Variants in KCTD16 observed in about 807,000 individuals in gnomAD.
KCTD16 encodes the protein BTB/POZ domain-containing protein KCTD16.
Under a neutral mutation model 33.2 loss-of-function variants are expected in KCTD16, and 13 were observed. The ratio of observed to expected loss-of-function variants is 0.39; its 90% confidence interval spans 0.25 to 0.62. The LOEUF is 0.62. Among genes scored for constraint, KCTD16 ranks in the 20% least tolerant of loss-of-function variants. The pLI, the probability that KCTD16 is intolerant of heterozygous loss-of-function variation, is 0.50. For synonymous variants in KCTD16, 197 were observed against 195.3 expected (o/e 1.01, Z -0.07); for missense variants, 441 against 525.1 (o/e 0.84, Z 1.57).
intron 3 of KCTD16, among the ~76,000 whole-genome samples, chr5:144,296,704 C>G (rs1237762004): frequency 6.6e-6 from 1 of 152,030 alleles, no homozygotes; most frequent in South Asian, 2.1e-4. Flanking sequence ...AAGAAAACTA[C>G]TAGATATGGA....
intron 3 of KCTD16, among the ~76,000 whole-genome samples, chr5:144,412,614 G>A (rs113706000): frequency 0.042 from 6,439 of 152,152 alleles, 460 homozygotes; most frequent in African/African-American, 0.14. Context: ...AGCTGGATGC[G>A]GTGGCTCATG....
chr5:144,397,686 G>T (rs1477383388), intron 3 of KCTD16, among the ~76,000 whole-genome samples: 3 of 152,126 alleles, frequency 2.0e-5, no homozygotes, highest in Non-Finnish European at 4.4e-5. Context: ...CAGTGATGAT[G>T]ATTTAAAGTT....
At chr5:144,179,277 C>T (rs1026086133) in intron 2 of KCTD16, among the ~76,000 whole-genome samples, 1 of 152,180 alleles carries the variant, frequency 6.6e-6, no homozygotes, top group African/African-American at 2.4e-5. Context: ...ATCAGCCACC[C>T]CACTCAGGCC....
chr5:144,402,239 C>T (rs1428649616), intron 3 of KCTD16, among the ~76,000 whole-genome samples: 1 of 152,194 alleles, frequency 6.6e-6, no homozygotes, highest in Non-Finnish European at 1.5e-5. Flanking sequence ...ATAGAAGGGG[C>T]TTTTCTGGGC....
At chr5:144,209,845 T>A (rs1000484988) in intron 3 of KCTD16, among the ~76,000 whole-genome samples, 2 of 146,672 alleles carry the variant, frequency 1.4e-5, no homozygotes, top group Non-Finnish European at 3.0e-5. Context: ...TATATTTATA[T>A]GTGTATATAT....
intron 3 of KCTD16, among the ~76,000 whole-genome samples, chr5:144,440,914 G>A (rs1293471572): frequency 4.7e-4 from 39 of 82,960 alleles, no homozygotes; most frequent in African/African-American, 8.0e-4. Context: ...AACAGTCCCC[G>A]GTGTGTGATG....
chr5:144,179,580 A>T (rs1040296801), intron 2 of KCTD16, among the ~76,000 whole-genome samples: 2 of 152,236 alleles, frequency 1.3e-5, no homozygotes, highest in Non-Finnish European at 2.9e-5. Context: ...GGGAACAGGG[A>T]TCCTTCCTTC....
intron 3 of KCTD16, among the ~76,000 whole-genome samples, chr5:144,421,407 G>T (rs1753205682): frequency 6.6e-6 from 1 of 152,086 alleles, no homozygotes; most frequent in African/African-American, 2.4e-5. Flanking sequence ...TTATCTACTT[G>T]CATGGGTTGA....
At chr5:144,209,682 G>A (rs1184482986) in intron 3 of KCTD16, among the ~76,000 whole-genome samples, 4 of 151,330 alleles carry the variant, frequency 2.6e-5, no homozygotes, top group East Asian at 1.9e-4. Context: ...TGTTGTGCTC[G>A]GGTTAATGGG....
intron 3 of KCTD16, among the ~76,000 whole-genome samples, chr5:144,235,995 G>A (rs191891081): frequency 5.7e-4 from 87 of 152,224 alleles, no homozygotes; most frequent in African/African-American, 1.9e-3. Context: ...GTCAGTGTAT[G>A]AAGTCTAGAA....
At chr5:144,429,524 A>G (rs116378990) in intron 3 of KCTD16, among the ~76,000 whole-genome samples, 1,922 of 152,182 alleles carry the variant, frequency 0.013, 38 homozygotes, top group African/African-American at 0.044. Context: ...ACTCTGGACC[A>G]GGTTGGATCA....
intron 2 of KCTD16, among the ~76,000 whole-genome samples, chr5:144,185,778 C>T (rs2126776606): frequency 6.6e-6 from 1 of 152,178 alleles, no homozygotes; most frequent in African/African-American, 2.4e-5. Flanking sequence ...CCTTTCTTGT[C>T]ATGAATGATT....
At chr5:144,401,688 C>A (rs1462484837) in intron 3 of KCTD16, among the ~76,000 whole-genome samples, 1 of 152,328 alleles carries the variant, frequency 6.6e-6, no homozygotes, top group East Asian at 1.9e-4. Flanking sequence ...TCTATCCCAT[C>A]TATTCATCCA....
chr5:144,393,740 A>G (rs1467908781), intron 3 of KCTD16, among the ~76,000 whole-genome samples: 1 of 152,164 alleles, frequency 6.6e-6, no homozygotes, highest in Admixed American at 6.6e-5. Flanking sequence ...TGTAGTTTCA[A>G]TGACTTGTAG....
chr5:144,360,088 A>G (rs1378516251), intron 3 of KCTD16, among the ~76,000 whole-genome samples: 2 of 152,082 alleles, frequency 1.3e-5, no homozygotes, highest in African/African-American at 4.8e-5. Context: ...AAGCGTGACC[A>G]TCATTCTTTT....
chr5:144,309,365 ATT>A (rs567599397), intron 3 of KCTD16, among the ~76,000 whole-genome samples: 14 of 140,518 alleles, frequency 1.0e-4, no homozygotes, highest in Admixed American at 1.4e-4. Flanking sequence ...TCTCCTCCAC[ATT>A]TTTTTTTTTT....
At chr5:144,350,875 A>ATT (rs11419936) in intron 3 of KCTD16, among the ~76,000 whole-genome samples, 41 of 147,104 alleles carry the variant, frequency 2.8e-4, no homozygotes, top group East Asian at 6.0e-4. Flanking sequence ...AGACTCTCAG[A>ATT]TTTTTTTTTT....
intron 3 of KCTD16, among the ~76,000 whole-genome samples, chr5:144,468,862 G>A (rs564627231): frequency 1.1e-4 from 16 of 152,280 alleles, no homozygotes; most frequent in Admixed American, 3.9e-4. Flanking sequence ...AAATGCATAA[G>A]CACTTTGTGA....
chr5:144,424,953 A>G (rs923811034), intron 3 of KCTD16, among the ~76,000 whole-genome samples: 1 of 152,146 alleles, frequency 6.6e-6, no homozygotes, highest in African/African-American at 2.4e-5. Context: ...GTCCTCACAT[A>G]CAAATACATC....
Sources: gnomAD v4.1 joint callset for allele counts (sites outside exome capture counted in the v4.1 genomes callset) on GRCh38, gnomAD v4.1.1 for gene constraint, MANE v1.5 for transcripts, NCBI Gene and HGNC (gene_info 2026-07-23, HGNC 2026-07-21) for gene names.